UPK1A: variants seen among roughly 807,000 people sequenced by gnomAD.
UPK1A encodes the protein uroplakin 1A.
A neutral mutation model predicts 32.3 loss-of-function variants in UPK1A; 31 were observed. That is an observed-to-expected ratio of 0.96 (90% CI 0.72 to 1.30). UPK1A has a LOEUF of 1.30. Ranked by LOEUF, UPK1A falls within the 50% of genes most tolerant of loss-of-function variation. The pLI is 0.00. For missense variants in UPK1A, 340 were observed against 357.4 expected (o/e 0.95, Z 0.39); for synonymous variants, 135 against 137.1 (o/e 0.98, Z 0.11).
intron 6 of UPK1A, among the ~76,000 whole-genome samples, chr19:35,677,060 A>C (rs770286214): frequency 1.3e-5 from 2 of 151,558 alleles, no homozygotes; most frequent in African/African-American, 2.4e-5. Context: ...CGTCTCTACA[A>C]AAAAGTACAG....
intron 3 of UPK1A, among the ~76,000 whole-genome samples, chr19:35,669,475 G>T (rs1190406979): frequency 6.8e-6 from 1 of 147,846 alleles, no homozygotes; most frequent in Non-Finnish European, 1.5e-5. Flanking sequence ...GACCAGACTG[G>T]CCAACATGGC....
chr19:35,669,347 G>A (rs1312744280), intron 3 of UPK1A, among the ~76,000 whole-genome samples: 1 of 152,024 alleles, frequency 6.6e-6, no homozygotes, highest in East Asian at 1.9e-4. Context: ...TCATGCACCT[G>A]ACACTAGGGT....
intron 3 of UPK1A, 155 bp downstream of exon 3, chr19:35,668,809 C>T: frequency 1.2e-6 from 1 of 859,872 alleles, no homozygotes; most frequent in South Asian, 1.8e-5. Context: ...TTCCCACAGC[C>T]CAATAACCCA....
chr19:35,675,695 C>A, intron 5 of UPK1A, 145 bp from the exon 6 acceptor site: 1 of 880,630 alleles, frequency 1.1e-6, no homozygotes, highest in Non-Finnish European at 1.7e-6. Context: ...ACCCACCGGA[C>A]ACACTCGCTT....
intron 3 of UPK1A, 53 bp from the exon 4 acceptor site, chr19:35,673,179 G>A: frequency 1.3e-6 from 2 of 1,576,794 alleles, no homozygotes; most frequent in Non-Finnish European, 1.7e-6. Context: ...TCCCTGACGG[G>A]GTGTGGCTTC....
chr19:35,668,083 T>G (rs992223852), intron 2 of UPK1A: 1 of 323,982 alleles, frequency 3.1e-6, no homozygotes, highest in African/African-American at 2.1e-5. Context: ...CCACCTTGCC[T>G]GGCCCATTTG....
chr19:35,674,148 C>G (rs755330663), intron 5 of UPK1A, among the ~76,000 whole-genome samples: 7 of 151,222 alleles, frequency 4.6e-5, no homozygotes, highest in African/African-American at 1.7e-4. Flanking sequence ...AGGATTGGAG[C>G]GATTCTCCCA....
Position 35,666,810 on chromosome 19 carries a change from A to C in UPK1A, c.-3A>C, listed in dbSNP as rs769010885. 3.1e-6 allele frequency: 5 copies of C among 1,613,906 alleles called. No homozygotes were observed. Among genetic ancestry groups the C allele is most frequent in the Non-Finnish European group, 4.2e-6 (5 of 1,179,984 alleles). The stretch of plus-strand genomic sequence containing the variant: ...CTCATCCCTGCTCATGTGTCCCAGG[A>C]TGATGGCGTCTGCGGCAGCAGCGGA... On this transcript the variant is annotated splice_region_variant and 5_prime_UTR_variant, in exon 2 of 8. It removes an upstream start codon present in the reference 5' UTR. Coordinates refer to ENST00000617999, the Ensembl canonical transcript of UPK1A.
chr19:35,673,233 A>G, exon 4 of UPK1A: 1 of 1,613,712 alleles, frequency 6.2e-7, no homozygotes, highest in Non-Finnish European at 8.5e-7. Flanking sequence ...TCTCCCCAGT[A>G]CCTGGTGCTC....
intron 5 of UPK1A, among the ~76,000 whole-genome samples, chr19:35,674,526 C>T (rs1379680219): frequency 1.3e-5 from 2 of 151,972 alleles, no homozygotes; most frequent in East Asian, 3.9e-4. Flanking sequence ...CTTGAGCCAC[C>T]GTGCCCAGCC....
intron 3 of UPK1A, among the ~76,000 whole-genome samples, chr19:35,671,960 A>G (rs981093918): frequency 3.3e-5 from 5 of 152,232 alleles, no homozygotes; most frequent in Admixed American, 6.5e-5. Flanking sequence ...TAAATACTGG[A>G]GCACACATTT....
intron 6 of UPK1A, 120 bp from the exon 7 acceptor site, chr19:35,677,692 C>A: frequency 1.5e-6 from 2 of 1,316,376 alleles, no homozygotes; most frequent in Non-Finnish European, 2.1e-6. Context: ...CCCCATTGCA[C>A]AAGTGAGAAA....
intron 2 of UPK1A, 33 bp from the exon 3 acceptor site, chr19:35,668,421 G>T: frequency 6.2e-7 from 1 of 1,612,900 alleles, no homozygotes; most frequent in South Asian, 1.1e-5. Context: ...TGCTGGCCCC[G>T]AGCAGACCTT....
intron 6 of UPK1A, 72 bp downstream of exon 6, chr19:35,676,091 A>C: frequency 6.8e-7 from 1 of 1,478,092 alleles, no homozygotes; most frequent in Non-Finnish European, 9.1e-7. Flanking sequence ...TCCCTCTCTG[A>C]TTCTCTCTTT....
At chr19:35,668,180 TG>T (rs1968027205) in intron 2 of UPK1A, 1 of 524,526 alleles carries the variant, frequency 1.9e-6, no homozygotes, top group East Asian at 3.5e-5. Flanking sequence ...ATCTCCTCTG[TG>T]CCAGTCCACT....
At chr19:35,670,796 C>T (rs776143551) in intron 3 of UPK1A, among the ~76,000 whole-genome samples, 19 of 148,816 alleles carry the variant, frequency 1.3e-4, no homozygotes, top group Non-Finnish European at 2.5e-4. Context: ...CTCATTGCCA[C>T]CTCGAACTCT....
chr19:35,670,610 G>A (rs1163251099), intron 3 of UPK1A, among the ~76,000 whole-genome samples: 2 of 134,428 alleles, frequency 1.5e-5, no homozygotes, highest in African/African-American at 5.7e-5. Context: ...TAGACAGGCA[G>A]GTATTGTGGA....
intron 5 of UPK1A, among the ~76,000 whole-genome samples, chr19:35,674,138 A>C (rs1968145391): frequency 6.6e-6 from 1 of 151,168 alleles, no homozygotes; most frequent in Non-Finnish European, 1.5e-5. Flanking sequence ...TCCTGGGCTC[A>C]GGATTGGAGC....
intron 6 of UPK1A, among the ~76,000 whole-genome samples, chr19:35,677,548 C>T (rs1027973303): frequency 2.0e-5 from 3 of 150,218 alleles, no homozygotes; most frequent in African/African-American, 4.9e-5. Context: ...AAAAAAAAAG[C>T]CAGCTGTAAG....
Sources: gnomAD v4.1 joint callset for allele counts (sites outside exome capture counted in the v4.1 genomes callset) on GRCh38, gnomAD v4.1.1 for gene constraint, MANE v1.5 for transcripts, NCBI Gene and HGNC (gene_info 2026-07-23, HGNC 2026-07-21) for gene names.